KCNMA1: variants seen among roughly 807,000 people sequenced by gnomAD.
The protein encoded by KCNMA1 is Calcium-activated potassium channel subunit alpha-1.
KCNMA1 carries 29 observed loss-of-function variants against 140.0 expected under a neutral mutation model. The ratio of observed to expected loss-of-function variants is 0.21; its 90% CI spans 0.15 to 0.28. The LOEUF is 0.28. Ranked by LOEUF, KCNMA1 falls within the 10% of genes least tolerant of loss-of-function variation. KCNMA1 has a pLI of 1.00. For missense variants in KCNMA1, 880 were observed against 1,602.2 expected, an observed-to-expected ratio of 0.55 and a Z score of 7.70; for synonymous variants, 612 against 611.9, an observed-to-expected ratio of 1.00 and a Z score of 0.00.
intron 3 of KCNMA1, among the ~76,000 whole-genome samples, chr10:77,196,368 A>T (rs1257512393): frequency 2.0e-5 from 3 of 152,198 alleles, no homozygotes. Context: ...TTCCTTCGCC[A>T]AGCCCCCAGA....
At chr10:77,149,299 A>G (rs1198486772) in intron 5 of KCNMA1, among the ~76,000 whole-genome samples, 2 of 152,194 alleles carry the variant, frequency 1.3e-5, no homozygotes, top group Non-Finnish European at 2.9e-5. Flanking sequence ...TTATGCTTCT[A>G]ATCAGTCTGG....
Position 77,372,560 on chromosome 10 carries a change from C to G in KCNMA1, c.540+31302G>C, listed in dbSNP as rs964274222. ...AGGCGCCGCAGTCCTTTGCTCTTGC[C>G]TGCCACAGCCATTGCCAAATGTTGG... On this transcript the variant is annotated intron_variant, in intron 2 of 27. Transcript: ENST00000286628. 2.6e-5 allele frequency among the ~76,000 whole-genome samples: 4 copies of G among 152,198 alleles called. No individual in the cohort carries two copies. In the South Asian group the frequency reaches 8.3e-4, roughly 32 times the overall value.
chr10:77,237,615 G>A (rs1463843930), intron 3 of KCNMA1, among the ~76,000 whole-genome samples: 5 of 152,130 alleles, frequency 3.3e-5, no homozygotes, highest in Admixed American at 3.3e-4. Context: ...ATACCACCAT[G>A]ACCAGCTAAT....
At chr10:77,205,697 A>G (rs1317006659) in intron 3 of KCNMA1, among the ~76,000 whole-genome samples, 7 of 152,192 alleles carry the variant, frequency 4.6e-5, no homozygotes, top group Admixed American at 4.6e-4. Context: ...AAGTATTTAA[A>G]TCACTTAACA....
chr10:76,963,241 G>T (rs184329459), intron 20 of KCNMA1, among the ~76,000 whole-genome samples: 1 of 152,280 alleles, frequency 6.6e-6, no homozygotes, highest in Non-Finnish European at 1.5e-5. Context: ...TCAAAAGAGT[G>T]GTTCTCAAAC....
At chr10:77,117,539 CAAAAAAAAAAAAAA>C (rs56926398) in intron 6 of KCNMA1, among the ~76,000 whole-genome samples, 3 of 22,516 alleles carry the variant, frequency 1.3e-4, no homozygotes, top group African/African-American at 3.0e-4. Context: ...GAGTCTATCT[CAAAAAAAAAAAAAA>C]AAAAAAAAAA....
chr10:77,027,496 A>G (rs1017329250), intron 16 of KCNMA1, among the ~76,000 whole-genome samples: 1 of 152,164 alleles, frequency 6.6e-6, no homozygotes, highest in Admixed American at 6.5e-5. Flanking sequence ...AGCAGTAAAA[A>G]GGGGTTTTAA....
At chr10:77,461,121 T>A (rs1243809669) in intron 1 of KCNMA1, among the ~76,000 whole-genome samples, 2 of 151,474 alleles carry the variant, frequency 1.3e-5, no homozygotes. Flanking sequence ...AAAAAAAAAA[T>A]TACCTATTGG....
At chr10:76,937,913 A>ATGTGTGTGTGTGTT (rs1446371707) in intron 23 of KCNMA1, among the ~76,000 whole-genome samples, 2 of 147,700 alleles carry the variant, frequency 1.4e-5, no homozygotes, top group African/African-American at 5.0e-5. Flanking sequence ...GTGTGTGCGT[A>ATGTGTGTGTGTGTT]TGTGTGTGTG....
intron 1 of KCNMA1, among the ~76,000 whole-genome samples, chr10:77,500,947 C>T (rs2043644085): frequency 6.6e-6 from 1 of 152,172 alleles, no homozygotes; most frequent in Non-Finnish European, 1.5e-5. Flanking sequence ...CAAATGGAAA[C>T]TTATTAAAAA....
At chr10:76,894,045 C>T (rs1055366110) in intron 25 of KCNMA1, among the ~76,000 whole-genome samples, 17 of 152,202 alleles carry the variant, frequency 1.1e-4, no homozygotes, top group Admixed American at 3.3e-4. Flanking sequence ...AAAAGAAAGA[C>T]GAAGTTGGAA....
chr10:77,194,922 CATAG>C (rs756051861), intron 3 of KCNMA1, among the ~76,000 whole-genome samples: 12 of 152,184 alleles, frequency 7.9e-5, no homozygotes, highest in East Asian at 3.9e-4. Context: ...TGTCACATAA[CATAG>C]ATAGTCACCA....
intron 25 of KCNMA1, 84 bp from the exon 26 acceptor site, chr10:76,891,803 T>G (rs2040189431): frequency 9.0e-7 from 1 of 1,109,280 alleles, no homozygotes; most frequent in Non-Finnish European, 1.4e-6. Flanking sequence ...TTACAACTTT[T>G]CTTGGTATCT....
Position 77,542,447 on chromosome 10 carries a change from G to A in KCNMA1, c.378+94818C>T, listed in dbSNP as rs2060403006. Among the ~76,000 whole-genome samples, 9 of 152,178 alleles carry A rather than the reference G, an allele frequency of 5.9e-5. No homozygotes were observed. The South Asian group carries it at 1.9e-3, about 32-fold the overall frequency. On this transcript the variant is annotated intron_variant, in intron 1 of 27. Coordinates refer to ENST00000286628, the MANE Select transcript of KCNMA1 (RefSeq NM_001161352.2). ...AATCTCAGCACTGGAAAGAATCTTA[G>A]GGGAAACTTAAAATGGATCCCAGAC...
intron 1 of KCNMA1, among the ~76,000 whole-genome samples, chr10:77,436,389 C>T (rs950596640): frequency 1.3e-5 from 2 of 152,200 alleles, no homozygotes; most frequent in Non-Finnish European, 2.9e-5. Context: ...AACCCTTTGT[C>T]GTCTGAGCAC....
At chr10:76,944,687 CT>C in intron 23 of KCNMA1, 85 bp downstream of exon 23, 1 of 1,301,770 alleles carries the variant, frequency 7.7e-7, no homozygotes. Context: ...ATGTGAGCCT[CT>C]TTGAATTACT....
intron 2 of KCNMA1, among the ~76,000 whole-genome samples, chr10:77,266,321 CTCTG>C (rs1342626773): frequency 1.3e-5 from 2 of 152,246 alleles, no homozygotes; most frequent in South Asian, 2.1e-4. Flanking sequence ...AGGGTCATGA[CTCTG>C]TCTGTTTTTC....
At chr10:76,959,485 A>G (rs1232904557) in intron 20 of KCNMA1, among the ~76,000 whole-genome samples, 1 of 152,218 alleles carries the variant, frequency 6.6e-6, no homozygotes, top group Non-Finnish European at 1.5e-5. Context: ...GCATTATTCA[A>G]TGGATTCCAT....
Position 76,886,055 on chromosome 10 carries a change from A to G in KCNMA1, c.*1211T>C. 1.0e-6 allele frequency: 1 copy of G among 985,418 alleles called. No individual in the cohort carries two copies. The highest frequency in any genetic ancestry group is 1.2e-6 in the Non-Finnish European group (1 of 829,928). 61.0% of individuals were successfully genotyped at this position (985,418 alleles called of 1,614,324 possible). A position where few individuals can be genotyped will look rare whatever the true frequency, so the allele number is the denominator to read the frequency against. ...CAGCCAGCACCGCACAGCTGTGCCA[A>G]CAGTTGAAGGTGGTGGCTGGCTTTT... On this transcript the variant is annotated 3_prime_UTR_variant, in exon 28 of 28. Coordinates refer to ENST00000286628, the MANE Select transcript of KCNMA1 (RefSeq NM_001161352.2).
Sources: allele counts gnomAD v4.1 joint callset (sites outside exome capture counted in the v4.1 genomes callset), GRCh38; gene constraint gnomAD v4.1.1; transcripts MANE v1.5; gene names NCBI Gene and HGNC (gene_info 2026-07-23, HGNC 2026-07-21).